The following DNAH17 variants were observed in gnomAD, a reference collection of about 807,000 sequenced individuals.
DNAH17 encodes the protein axonemal beta dynein heavy chain 17.
A neutral mutation model predicts 485.6 loss-of-function variants in DNAH17; 376 were observed. The ratio of observed to expected loss-of-function variants is 0.77; its 90% confidence interval spans 0.71 to 0.84. The LOEUF (loss-of-function observed/expected upper bound fraction) is 0.84, where lower values mean the gene tolerates loss of function less well. Among genes scored for constraint, DNAH17 ranks in the 40% least tolerant of loss-of-function variants. The pLI is 0.00. For synonymous variants in DNAH17, 3,031 were observed against 2,405.9 expected, an observed-to-expected ratio of 1.26 and a Z score of -7.60; for missense variants, 6,370 against 5,839.3, an observed-to-expected ratio of 1.09 and a Z score of -2.96.
intron 49 of DNAH17, among the ~76,000 whole-genome samples, chr17:78,480,029 TTTTTTTTTTTTTTTTTTTTTAA>T (rs2089280204): frequency 1.7e-5 from 1 of 57,322 alleles, no homozygotes; most frequent in African/African-American, 1.2e-4. Context: ...TTTTTTTTTT[TTTTTTTTTTTTTTTTTTTTTAA>T]AAAAAGTATG....
At chr17:78,445,790 C>G (rs1598460824) in intron 69 of DNAH17, 110 bp from the exon 70 acceptor site, 2 of 1,254,078 alleles carry the variant, frequency 1.6e-6, no homozygotes, top group East Asian at 5.1e-5. Context: ...CTGCAGGGGG[C>G]GCCCTGTCCT....
intron 37 of DNAH17, among the ~76,000 whole-genome samples, chr17:78,498,015 G>A (rs1286985290): frequency 2.0e-5 from 3 of 152,062 alleles, no homozygotes; most frequent in Admixed American, 6.6e-5. Context: ...GGTGGTGCAC[G>A]CCTGCAATCC....
At chr17:78,563,141 C>A (rs954073039) in intron 11 of DNAH17, among the ~76,000 whole-genome samples, 2 of 152,148 alleles carry the variant, frequency 1.3e-5, no homozygotes. Context: ...TGCAAGATTG[C>A]GGCTATTTTT....
At chr17:78,533,525 A>G (rs2091295656) in intron 19 of DNAH17, among the ~76,000 whole-genome samples, 2 of 152,216 alleles carry the variant, frequency 1.3e-5, no homozygotes, top group South Asian at 2.1e-4. Context: ...ACGAGAGGCC[A>G]GTGCTATACG....
At chr17:78,546,858 T>C (rs1300868121) in intron 16 of DNAH17, among the ~76,000 whole-genome samples, 3 of 152,102 alleles carry the variant, frequency 2.0e-5, no homozygotes, top group South Asian at 2.1e-4. Flanking sequence ...CAAGCCGAGA[T>C]TGTGCCATTG....
chr17:78,545,390 T>C (rs2091731559), intron 16 of DNAH17, among the ~76,000 whole-genome samples: 1 of 152,176 alleles, frequency 6.6e-6, no homozygotes, highest in South Asian at 2.1e-4. Context: ...CAACAGACAT[T>C]TCTCACAGGT....
chr17:78,536,476 A>T (rs1389424573), intron 19 of DNAH17, among the ~76,000 whole-genome samples: 1 of 151,450 alleles, frequency 6.6e-6, no homozygotes, highest in Non-Finnish European at 1.5e-5. Flanking sequence ...AAGAAGTTTA[A>T]GACCACTCTG....
chr17:78,541,216 T>TGAGCGGGGTAGGGGGGGTGAGCGGGGTA (rs1568224152), intron 17 of DNAH17, among the ~76,000 whole-genome samples: 1 of 4,754 alleles, frequency 2.1e-4, no homozygotes, highest in Non-Finnish European at 3.2e-4. Flanking sequence ...GATGGGTGGG[T>TGAGCGGGGTAGGGGGGGTGAGCGGGGTA]GGGGGGGTGA....
At chr17:78,559,865 G>A (rs928313797) in intron 13 of DNAH17, among the ~76,000 whole-genome samples, 29 of 151,908 alleles carry the variant, frequency 1.9e-4, no homozygotes, top group Admixed American at 1.8e-3. Flanking sequence ...CCAGGCTCTC[G>A]GGCGCCACCT....
chr17:78,446,377 G>T (rs2087300652), intron 69 of DNAH17, among the ~76,000 whole-genome samples: 1 of 151,934 alleles, frequency 6.6e-6, no homozygotes, highest in Non-Finnish European at 1.5e-5. Flanking sequence ...TCTGCCTAGG[G>T]ATGCCCCTGT....
chr17:78,438,227 G>A (rs756712678), intron 73 of DNAH17, among the ~76,000 whole-genome samples: 1 of 151,406 alleles, frequency 6.6e-6, no homozygotes, highest in Non-Finnish European at 1.5e-5. Context: ...GCTTAGCCCT[G>A]TGGATTGAGG....
At chr17:78,486,716 G>A (rs1286641855) in intron 44 of DNAH17, among the ~76,000 whole-genome samples, 1 of 152,238 alleles carries the variant, frequency 6.6e-6, no homozygotes, top group Non-Finnish European at 1.5e-5. Context: ...CAGGGTCGTG[G>A]GGGCTGTGCC....
At chr17:78,556,443 C>T (rs573995766) in intron 14 of DNAH17, among the ~76,000 whole-genome samples, 1 of 152,306 alleles carries the variant, frequency 6.6e-6, no homozygotes, top group Admixed American at 6.5e-5. Flanking sequence ...ACCTCCAGAA[C>T]TAGAAGGTAG....
At chr17:78,499,609 G>A (rs1375942390) in intron 36 of DNAH17, 1 of 152,534 alleles carries the variant, frequency 6.6e-6, no homozygotes, top group African/African-American at 2.4e-5. Flanking sequence ...CTTCCAGGGA[G>A]ATCCAACTTC....
Position 78,434,176 on chromosome 17 carries a change from C to T in DNAH17, c.12078G>A (p.Met4026Ile), listed in dbSNP as rs766265826. 3.7e-6 allele frequency: 6 copies of T among 1,613,286 alleles called. No individual in the cohort carries two copies. In the South Asian group the frequency reaches 6.6e-5, roughly 18 times the overall value. ...MCTKEMEFKC[M>I]LFALCYFHAV... ...CGTGGAAGTAGCACAGGGCGAAGAG[C>T]ATGCACTTGAACTCCATCTCCTTGG... Residue 4026 changes from methionine to isoleucine, a missense_variant, in exon 75 of 81, where the codon ATG becomes ATA. By Grantham distance (10) the Met-to-Ile change is conservative (BLOSUM62 1). Coordinates refer to ENST00000389840, the MANE Select transcript of DNAH17 (RefSeq NM_173628.4).
chr17:78,548,268 G>C (rs186013325), intron 16 of DNAH17, among the ~76,000 whole-genome samples: 1 of 133,940 alleles, frequency 7.5e-6, no homozygotes, highest in Admixed American at 8.2e-5. Context: ...GCAGTGGCAC[G>C]ATCTCGGCTC....
intron 36 of DNAH17, 30 bp downstream of exon 36, chr17:78,500,275 G>C (rs748419858): frequency 5.0e-6 from 8 of 1,588,932 alleles, no homozygotes; most frequent in Non-Finnish European, 6.8e-6. Context: ...AGAAGACTCT[G>C]GGTCCCTCCT....
chr17:78,460,677 T>A (rs112894011), intron 58 of DNAH17, among the ~76,000 whole-genome samples: 1 of 152,052 alleles, frequency 6.6e-6, no homozygotes, highest in Non-Finnish European at 1.5e-5. Flanking sequence ...GACAGTTGGG[T>A]GGGATTCTGG....
chr17:78,532,793 A>T, intron 19 of DNAH17, 57 bp from the exon 20 acceptor site: 1 of 1,505,092 alleles, frequency 6.6e-7, no homozygotes, highest in Non-Finnish European at 8.9e-7. Flanking sequence ...TTCATAATTT[A>T]GGTGTTGTCC....
Sources: gnomAD v4.1 joint callset for allele counts (sites outside exome capture counted in the v4.1 genomes callset) on GRCh38, gnomAD v4.1.1 for gene constraint, MANE v1.5 for transcripts, NCBI Gene and HGNC (gene_info 2026-07-23, HGNC 2026-07-21) for gene names.